The following ADCY10 variants were observed in gnomAD, a reference collection of about 807,000 sequenced individuals.
ADCY10 encodes the protein adenylate cyclase 10, also known as adenylate cyclase type 10.
In ADCY10, 156 loss-of-function variants were observed where a neutral mutation model predicts 183.3. The ratio of observed to expected loss-of-function variants is 0.85; its 90% CI spans 0.75 to 0.97. The LOEUF is 0.97. ADCY10 is among the 50% of genes least tolerant of loss of function. The pLI is 0.00. For missense variants in ADCY10, 1,745 were observed against 1,934.3 expected (o/e 0.90, Z 1.84); for synonymous variants, 645 against 670.0 (o/e 0.96, Z 0.58).
intron 16 of ADCY10, among the ~76,000 whole-genome samples, chr1:167,857,079 A>G (rs900252724): frequency 3.3e-5 from 5 of 152,224 alleles, no homozygotes; most frequent in Admixed American, 6.5e-5. Flanking sequence ...GTGCTGTTCT[A>G]GGTACTGGGA....
chr1:167,820,238 T>A lies in ADCY10; in HGVS notation c.4286+1786A>T, dbSNP rs1320460400. The A allele has an allele frequency of 5.9e-6, 9 of 1,529,212 alleles. No individual in the cohort carries two copies. In the African/African-American group the frequency reaches 1.3e-4, roughly 21 times the overall value. The allele number at this position is 1,529,212 out of a possible 1,614,324, so 94.7% of individuals were successfully genotyped here. On this transcript the variant is annotated intron_variant, in intron 30 of 32. Coordinates refer to ENST00000367851, the MANE Select transcript of ADCY10 (RefSeq NM_018417.6). ...TCCTCGTTCCACAGGGCCCACTGGG[T>A]CCTGGTCCATCGTCGTCGCCACCAC... is the stretch of plus-strand genomic sequence containing the variant.
At chr1:167,910,010 T>C (rs575553156) in intron 1 of ADCY10, among the ~76,000 whole-genome samples, 1 of 152,220 alleles carries the variant, frequency 6.6e-6, no homozygotes, top group Non-Finnish European at 1.5e-5. Context: ...CAATCTATTA[T>C]GACCCTTTCA....
intron 26 of ADCY10, among the ~76,000 whole-genome samples, chr1:167,825,322 C>CT (rs34844073): frequency 0.014 from 2,002 of 141,460 alleles, 35 homozygotes; most frequent in African/African-American, 0.041. Flanking sequence ...GTTTGTTTGG[C>CT]TTTTTTTTTT....
chr1:167,872,282 A>G (rs1333309159), intron 13 of ADCY10, among the ~76,000 whole-genome samples: 2 of 151,926 alleles, frequency 1.3e-5, no homozygotes, highest in African/African-American at 4.8e-5. Context: ...AGGTTACAGT[A>G]AGCCGAGATG....
chr1:167,828,597 C>T (rs978243180), intron 26 of ADCY10, among the ~76,000 whole-genome samples: 4 of 151,906 alleles, frequency 2.6e-5, no homozygotes, highest in Admixed American at 6.6e-5. Context: ...TTTTTGTTTG[C>T]GGAACAGAGT....
intron 29 of ADCY10, 49 bp from the exon 30 acceptor site, chr1:167,822,190 A>G: frequency 8.4e-7 from 1 of 1,187,504 alleles, no homozygotes. Context: ...GTGGGTGATC[A>G]TCTTTCTAGC....
At chr1:167,880,259 G>A (rs913329756) in intron 10 of ADCY10, 68 bp from the exon 11 acceptor site, 1 of 1,400,960 alleles carries the variant, frequency 7.1e-7, no homozygotes. Context: ...AAGTGGGAAG[G>A]GTGGGAAATA....
chr1:167,825,398 C>T (rs1663207421), intron 26 of ADCY10, among the ~76,000 whole-genome samples: 1 of 151,614 alleles, frequency 6.6e-6, no homozygotes, highest in Admixed American at 6.6e-5. Flanking sequence ...CATCTATAAT[C>T]CCAGCACTTC....
chr1:167,861,980 A>T (rs553507125), intron 14 of ADCY10, among the ~76,000 whole-genome samples: 1 of 152,304 alleles, frequency 6.6e-6, no homozygotes, highest in Non-Finnish European at 1.5e-5. Context: ...GCCTTCTGTC[A>T]TGATTATAAT....
chr1:167,862,245 C>G (rs1332415637), intron 14 of ADCY10, among the ~76,000 whole-genome samples: 1 of 152,178 alleles, frequency 6.6e-6, no homozygotes, highest in Non-Finnish European at 1.5e-5. Context: ...AAAGTGTGAC[C>G]TTATTTGAAA....
Position 167,880,531 on chromosome 1 carries a change from T to C in ADCY10, c.1099A>G (p.Met367Val). The change falls in exon 10 of 33, where the codon ATG becomes GTG. Residue 367 changes from methionine (M) to valine (V), a missense_variant. Transcript: ENST00000367851. ...TGAGAGCAGAAGTCAAATATATCCATAGCACATTCCAGAGCATGAGTGAGC... is the reference window on the plus strand; with the variant it reads ...TGAGAGCAGAAGTCAAATATATCCACAGCACATTCCAGAGCATGAGTGAGC... ...DELTHALECA[M>V]DIFDFCSQVH... 3 of 1,614,142 alleles carry C rather than the reference T, an allele frequency of 1.9e-6. No homozygotes were observed. Among genetic ancestry groups the C allele is most frequent in the Non-Finnish European group, 2.5e-6 (3 of 1,180,008 alleles).
rs375777134 is a variant in ADCY10, at chr1:167,880,238, G to C, written c.1140-47C>G. The C allele has an allele frequency of 1.4e-5, 21 of 1,504,860 alleles. No individual in the cohort carries two copies. In the East Asian group the frequency reaches 4.5e-4, roughly 32 times the overall value. 93.2% of individuals were successfully genotyped at this position (1,504,860 alleles called of 1,614,324 possible). On this transcript the variant is annotated intron_variant, in intron 10 of 32. Transcript: ENST00000367851. ...TTGTGGGGAAAGAAATAAAGATAAT[G>C]AGCGTAGAGAAAGTGGGAAGGGTGG...
In ADCY10 at chr1:167,883,536, T is replaced by C. The variant is rs1432265181; in HGVS notation, c.921A>G (p.Ala307=). ...CCTGGATGGCTGGGCCTATCTCTTCTGCTTTGTCTTGGTCTTCAAACATCA... is the reference window on the plus strand; with the variant it reads ...CCTGGATGGCTGGGCCTATCTCTTCCGCTTTGTCTTGGTCTTCAAACATCA... The part of the protein sequence containing the change: ...VNLMFEDQDK[A]EEIGPAIQDA... Residue 307 remains alanine, a synonymous_variant, in exon 9 of 33, where the codon GCA becomes GCG. Coordinates refer to ENST00000367851, the MANE Select transcript of ADCY10 (RefSeq NM_018417.6). 6.2e-7 allele frequency: 1 copy of C among 1,614,264 alleles called. No homozygotes were observed. Among genetic ancestry groups the C allele is most frequent in the Non-Finnish European group, 8.5e-7 (1 of 1,180,042 alleles).
At position 167,870,343 on chromosome 1, in the gene ADCY10, TTGGC is replaced by T; in HGVS notation, c.1526_1529del (p.Ser509LysfsTer3). On this transcript the variant is annotated frameshift_variant, in exon 14 of 33. Coordinates refer to ENST00000367851, the MANE Select transcript of ADCY10 (RefSeq NM_018417.6). LOFTEE classifies it high-confidence loss of function. ...CTGGTAATCCCTCATACATTAAGAC[TTGGC>T]TGCTGTTAGATATCAAAAATTTCTT... 1 of 1,613,948 alleles carries T rather than the reference TTGGC, an allele frequency of 6.2e-7. No homozygotes were observed. The highest frequency in any genetic ancestry group is 1.1e-5 in the South Asian group (1 of 91,080).
At chr1:167,814,200 A>G (rs1662378483) in intron 31 of ADCY10, among the ~76,000 whole-genome samples, 1 of 152,122 alleles carries the variant, frequency 6.6e-6, no homozygotes, top group Non-Finnish European at 1.5e-5. Context: ...TTTTAAAAAC[A>G]TGATCTAATT....
At chr1:167,834,478 T>G (rs78666307) in intron 23 of ADCY10, 1 of 267,528 alleles carries the variant, frequency 3.7e-6, no homozygotes, top group African/African-American at 2.2e-5. Context: ...TGTGAGAAGT[T>G]GGTCTTCAGT....
chr1:167,862,140 G>A (rs1666332619), intron 14 of ADCY10, among the ~76,000 whole-genome samples: 1 of 152,142 alleles, frequency 6.6e-6, no homozygotes, highest in South Asian at 2.1e-4. Flanking sequence ...GCTCCTTGAG[G>A]GCAGAGAGCA....
intron 18 of ADCY10, among the ~76,000 whole-genome samples, chr1:167,852,015 A>G (rs867015064): frequency 5.3e-5 from 8 of 152,210 alleles, no homozygotes; most frequent in Admixed American, 5.2e-4. Context: ...TTTAAAGTAT[A>G]CAATTCAGCG....
At chr1:167,912,229 C>G (rs1187147134) in intron 1 of ADCY10, among the ~76,000 whole-genome samples, 1 of 152,054 alleles carries the variant, frequency 6.6e-6, no homozygotes, top group Non-Finnish European at 1.5e-5. Flanking sequence ...GAAAAGGGGT[C>G]CTTGGGAAAT....
Sources: gnomAD v4.1 joint callset for allele counts (sites outside exome capture counted in the v4.1 genomes callset) on GRCh38, gnomAD v4.1.1 for gene constraint, MANE v1.5 for transcripts, NCBI Gene and HGNC (gene_info 2026-07-23, HGNC 2026-07-21) for gene names.